WRN: variants seen among roughly 807,000 people sequenced by gnomAD.
WRN encodes WRN RecQ like helicase.
In WRN, 149 loss-of-function variants were observed where a neutral mutation model predicts 180.7. The observed-to-expected ratio is 0.82, with a 90% confidence interval of 0.72 to 0.94. The LOEUF (loss-of-function observed/expected upper bound fraction) is 0.94, where lower values mean the gene tolerates loss of function less well. Ranked by LOEUF, WRN falls within the 40% of genes least tolerant of loss-of-function variation. The pLI is 0.00. For synonymous variants in WRN, 548 were observed against 568.9 expected, an observed-to-expected ratio of 0.96 and a Z score of 0.52; for missense variants, 1,661 against 1,700.1, an observed-to-expected ratio of 0.98 and a Z score of 0.40.
At chr8:31,043,047 A>G (rs1372359259) in intron 1 of WRN, among the ~76,000 whole-genome samples, 1 of 152,190 alleles carries the variant, frequency 6.6e-6, no homozygotes, top group African/African-American at 2.4e-5. Flanking sequence ...ATAAAAGGTT[A>G]TTTATTGGTC....
chr8:31,076,500 G>C (rs1813100897), intron 8 of WRN, among the ~76,000 whole-genome samples: 1 of 151,860 alleles, frequency 6.6e-6, no homozygotes, highest in African/African-American at 2.4e-5. Context: ...CTGCTTTGTA[G>C]GATGTTTTAT....
intron 32 of WRN, among the ~76,000 whole-genome samples, chr8:31,155,706 A>G (rs1021493556): frequency 1.3e-5 from 2 of 151,666 alleles, no homozygotes; most frequent in Non-Finnish European, 2.9e-5. Flanking sequence ...TTTTTTGTAT[A>G]CAAAATGGAG....
chr8:31,034,693 A>G lies in WRN; in HGVS notation c.-77+720A>G, dbSNP rs11574166. 4.7e-3 allele frequency among the ~76,000 whole-genome samples: 721 copies of G among 152,342 alleles called. 8 individuals carry two copies. The highest frequency in any genetic ancestry group is 0.016 in the African/African-American group (675 of 41,564). Reference sequence around the variant, plus strand: ...TCAGCCAAAATGAGGACAGCTGCCCAGGACTCATTTCCCAGTTGCCTTGGG... The same window carrying G: ...TCAGCCAAAATGAGGACAGCTGCCCGGGACTCATTTCCCAGTTGCCTTGGG... On this transcript the variant is annotated intron_variant, in intron 1 of 34. Transcript: ENST00000298139.
At chr8:31,139,506 A>T (rs1328513345) in intron 24 of WRN, among the ~76,000 whole-genome samples, 2 of 152,172 alleles carry the variant, frequency 1.3e-5, no homozygotes, top group Non-Finnish European at 2.9e-5. Context: ...CTCTTCTGTG[A>T]TCAAGAAGCC....
chr8:31,078,936 A>G (rs767263313), intron 8 of WRN, among the ~76,000 whole-genome samples: 3 of 152,208 alleles, frequency 2.0e-5, no homozygotes, highest in African/African-American at 4.8e-5. Context: ...CACTCTTGAT[A>G]GTCAATCTGT....
chr8:31,156,008 C>G (rs1484035243), intron 32 of WRN, among the ~76,000 whole-genome samples: 1 of 152,090 alleles, frequency 6.6e-6, no homozygotes, highest in Non-Finnish European at 1.5e-5. Flanking sequence ...CCCAAGAAAC[C>G]AAATAATTCC....
At chr8:31,155,835 A>G (rs187766125) in intron 32 of WRN, among the ~76,000 whole-genome samples, 6 of 152,178 alleles carry the variant, frequency 3.9e-5, no homozygotes, top group African/African-American at 7.2e-5. Context: ...CTGCTTTTCT[A>G]TTGTCTGTGG....
intron 23 of WRN, among the ~76,000 whole-genome samples, chr8:31,130,022 A>AAAC (rs1219192102): frequency 7.0e-6 from 1 of 142,996 alleles, no homozygotes; most frequent in Non-Finnish European, 1.5e-5. Context: ...AAACAAAACA[A>AAAC]AACAAAAAAA....
In WRN at chr8:31,131,866, G is replaced by C. The variant is rs537813926; in HGVS notation, c.2826-499G>C. The C allele has an allele frequency of 1.3e-4, 20 of 158,714 alleles. No individual in the cohort carries two copies. In the East Asian group the frequency reaches 3.6e-3, roughly 29 times the overall value. 9.8% of individuals were successfully genotyped at this position (158,714 alleles called of 1,614,324 possible). A position where few individuals can be genotyped will look rare whatever the true frequency, so the allele number is the denominator to read the frequency against. Reference sequence around the variant, plus strand: ...CTGCTGCTTCACAAAAGAGGTACCAGGTCTGCCCCGAATGAGTGAGCCCCT... The same window carrying C: ...CTGCTGCTTCACAAAAGAGGTACCACGTCTGCCCCGAATGAGTGAGCCCCT... On this transcript the variant is annotated intron_variant, in intron 23 of 34. Coordinates refer to ENST00000298139, the MANE Select transcript of WRN (RefSeq NM_000553.6).
intron 20 of WRN, among the ~76,000 whole-genome samples, chr8:31,117,606 C>T (rs914588422): frequency 3.9e-5 from 6 of 152,040 alleles, no homozygotes; most frequent in African/African-American, 7.2e-5. Context: ...ACTATAAGTC[C>T]GAGGAAGAGC....
chr8:31,126,340 G>C (rs1191005042), intron 23 of WRN, among the ~76,000 whole-genome samples: 1 of 152,006 alleles, frequency 6.6e-6, no homozygotes, highest in Non-Finnish European at 1.5e-5. Context: ...ATAACAGAAA[G>C]ATAACAGAAA....
intron 26 of WRN, among the ~76,000 whole-genome samples, 187 bp from the exon 27 acceptor site, chr8:31,142,437 TTG>T (rs1802677518): frequency 6.6e-6 from 1 of 152,310 alleles, no homozygotes; most frequent in African/African-American, 2.4e-5. Context: ...GATTGATCAC[TTG>T]TGAGTTTTTT....
At chr8:31,065,384 TCCCTCCTCCCA>T (rs1429530799) in intron 5 of WRN, among the ~76,000 whole-genome samples, 16 of 152,216 alleles carry the variant, frequency 1.1e-4, no homozygotes, top group Admixed American at 4.6e-4. Context: ...ATTTTCTTCC[TCCCTCCTCCCA>T]CCCTCCACCT....
In WRN at chr8:31,081,142, A is replaced by G; in HGVS notation, c.1115A>G (p.Asp372Gly). The change falls in exon 9 of 35, where the codon GAT (aspartate) becomes GGT (glycine). Residue 372 changes from aspartate to glycine, a missense_variant. Asp to Gly is a moderately conservative substitution (Grantham distance 94). Coordinates refer to ENST00000298139, the MANE Select transcript of WRN (RefSeq NM_000553.6). ...VLGNKVERKE[D>G]GFEDGVEDNK... ...GGAAATAAAGTGGAACGAAAAGAAG[A>G]TGGATTTGAAGATGGAGTAGAAGAC... 1 of 1,614,064 alleles carries G rather than the reference A, an allele frequency of 6.2e-7. No homozygotes were observed. Among genetic ancestry groups the G allele is most frequent in the African/African-American group, 1.3e-5 (1 of 75,036 alleles).
At chr8:31,062,553 A>G (rs980543669) in intron 3 of WRN, among the ~76,000 whole-genome samples, 3 of 151,484 alleles carry the variant, frequency 2.0e-5, no homozygotes, top group Non-Finnish European at 2.9e-5. Context: ...GACTACAGGC[A>G]TGCACCATCA....
chr8:31,101,022 A>G (rs1371860092), intron 18 of WRN, 67 bp downstream of exon 18: 1 of 1,349,562 alleles, frequency 7.4e-7, no homozygotes, highest in East Asian at 2.3e-5. Context: ...AGGATTGGGG[A>G]GTGGTAAAGA....
In WRN at chr8:31,147,429, A is replaced by G. The variant is rs2130440993; in HGVS notation, c.3525A>G (p.Pro1175=). 6.2e-7 allele frequency: 1 copy of G among 1,614,124 alleles called. No individual in the cohort carries two copies. The highest frequency in any genetic ancestry group is 8.5e-7 in the Non-Finnish European group (1 of 1,179,980). ...ATGCCAATAAAATGGATGTTCCCCC[A>G]GCTATTCTGGCAACAAACAAGATAC... The part of the protein sequence containing the change: ...QKHANKMDVP[P]AILATNKILV... The change falls in exon 30 of 35, where the codon CCA becomes CCG. Residue 1175 remains proline, a synonymous_variant. Transcript: ENST00000298139.
intron 3 of WRN, among the ~76,000 whole-genome samples, chr8:31,061,935 TC>T (rs1468425812): frequency 1.3e-5 from 2 of 152,170 alleles, no homozygotes; most frequent in African/African-American, 4.8e-5. Context: ...TAGGGAGATT[TC>T]TGGAGCTCTT....
chr8:31,132,556 T>TA, intron 24 of WRN, 50 bp downstream of exon 24: 1 of 1,612,288 alleles, frequency 6.2e-7, no homozygotes, highest in South Asian at 1.1e-5. Flanking sequence ...TTACTTCTAT[T>TA]ACACTTTTCT....
Sources: gnomAD v4.1 joint callset for allele counts (sites outside exome capture counted in the v4.1 genomes callset) on GRCh38, gnomAD v4.1.1 for gene constraint, MANE v1.5 for transcripts, NCBI Gene and HGNC (gene_info 2026-07-23, HGNC 2026-07-21) for gene names.